ABCA13: variants seen among roughly 807,000 people sequenced by gnomAD.
The protein encoded by ABCA13 is ATP-binding cassette sub-family A member 13.
A neutral mutation model predicts 478.7 loss-of-function variants in ABCA13; 476 were observed. The ratio of observed to expected loss-of-function variants is 0.99; its 90% CI spans 0.92 to 1.07. The LOEUF (loss-of-function observed/expected upper bound fraction) is 1.07. Ranked by LOEUF, ABCA13 falls within the 50% of genes least tolerant of loss-of-function variation. The probability of loss-of-function intolerance (pLI) is 0.00; values close to 1 mark genes in which losing one functional copy is unlikely to be tolerated. For missense variants in ABCA13, 6,060 were observed against 5,910.6 expected, an observed-to-expected ratio of 1.03 and a Z score of -0.83; for synonymous variants, 2,252 against 2,158.9, an observed-to-expected ratio of 1.04 and a Z score of -1.20.
At chr7:48,321,595 G>T (rs933761726) in intron 27 of ABCA13, among the ~76,000 whole-genome samples, 4 of 152,190 alleles carry the variant, frequency 2.6e-5, no homozygotes, top group Non-Finnish European at 4.4e-5. Flanking sequence ...CTCTGAGCAT[G>T]GAGTAGAAGG....
rs1795424022 is a variant in ABCA13 at position 48,646,193 on chromosome 7, C to G, written c.*681C>G. 6.6e-6 allele frequency: 1 copy of G among 152,070 alleles called. No homozygotes were observed. Among genetic ancestry groups the G allele is most frequent in the South Asian group, 2.1e-4 (1 of 4,816 alleles). The allele number at this position is 152,070 out of a possible 1,614,324, so 9.4% of individuals were successfully genotyped here. ...TCTGTATCAATTACAGTAGTTCTAC[C>G]AGAATCTCCCAGGTTATAATTTATG... On this transcript the variant is annotated 3_prime_UTR_variant, in exon 62 of 62. Coordinates refer to ENST00000435803, the MANE Select transcript of ABCA13 (RefSeq NM_152701.5).
chr7:48,531,666 T>C (rs1014790071), intron 55 of ABCA13, among the ~76,000 whole-genome samples: 2 of 152,006 alleles, frequency 1.3e-5, no homozygotes, highest in South Asian at 4.1e-4. Flanking sequence ...CTATGATTTC[T>C]TTCAGCAGTG....
intron 38 of ABCA13, among the ~76,000 whole-genome samples, chr7:48,398,252 T>C (rs951475187): frequency 3.3e-5 from 5 of 152,222 alleles, no homozygotes; most frequent in Non-Finnish European, 7.3e-5. Flanking sequence ...GTAAACTCTA[T>C]TGTGATTGAG....
At chr7:48,413,746 G>T (rs1819578757) in intron 41 of ABCA13, among the ~76,000 whole-genome samples, 1 of 152,262 alleles carries the variant, frequency 6.6e-6, no homozygotes, top group African/African-American at 2.4e-5. Flanking sequence ...CACAAGTTTT[G>T]TCTGGAATAA....
intron 2 of ABCA13, among the ~76,000 whole-genome samples, chr7:48,195,907 T>C (rs1177540386): frequency 6.6e-6 from 1 of 151,432 alleles, no homozygotes; most frequent in Non-Finnish European, 1.5e-5. Context: ...GGCAGTTCAG[T>C]AGAGGGATAG....
intron 41 of ABCA13, among the ~76,000 whole-genome samples, chr7:48,416,826 T>TC (rs897803293): frequency 1.5e-4 from 23 of 152,032 alleles, no homozygotes; most frequent in African/African-American, 5.5e-4. Context: ...GTCTGCCCCT[T>TC]CCCCACTCTC....
chr7:48,294,914 T>G (rs1489073494), intron 20 of ABCA13, among the ~76,000 whole-genome samples: 2 of 152,236 alleles, frequency 1.3e-5, no homozygotes, highest in Non-Finnish European at 2.9e-5. Context: ...AATATTTTAT[T>G]GTATATAATG....
chr7:48,379,147 A>C (rs957354884), intron 35 of ABCA13, among the ~76,000 whole-genome samples: 1 of 152,246 alleles, frequency 6.6e-6, no homozygotes, highest in Non-Finnish European at 1.5e-5. Flanking sequence ...ATGTCAATAA[A>C]TATTTTTGAC....
At position 48,613,536 on chromosome 7, in the gene ABCA13, A is replaced by C. The variant is rs1792241459; in HGVS notation, c.14745-1749A>C. 2.1e-5 allele frequency among the ~76,000 whole-genome samples: 3 copies of C among 142,484 alleles called. No individual in the cohort carries two copies. The Admixed American group carries it at 2.3e-4, about 11-fold the overall frequency. The allele number at this position is 142,484 out of a possible 152,430, so 93.5% of individuals were successfully genotyped here. A position where few individuals can be genotyped will look rare whatever the true frequency, so the allele number is the denominator to read the frequency against. On this transcript the variant is annotated intron_variant, in intron 58 of 61. Coordinates refer to ENST00000435803, the MANE Select transcript of ABCA13 (RefSeq NM_152701.5). ...GCTGTGTTAAGACACAACGACTACA[A>C]ATCCCTTAATAGCTTCTTCCATTGC...
chr7:48,381,390 C>CAT (rs1814360322), intron 35 of ABCA13, among the ~76,000 whole-genome samples: 1 of 151,360 alleles, frequency 6.6e-6, no homozygotes, highest in African/African-American at 2.4e-5. Flanking sequence ...CACACACACA[C>CAT]GCACGCACAC....
At chr7:48,369,251 G>GT (rs1343438726) in intron 32 of ABCA13, among the ~76,000 whole-genome samples, 4 of 151,836 alleles carry the variant, frequency 2.6e-5, no homozygotes, top group Admixed American at 2.6e-4. Context: ...TGATGAAATT[G>GT]TTTTTTTCTT....
chr7:48,450,411 T>A (rs1360777575), intron 42 of ABCA13, among the ~76,000 whole-genome samples: 1 of 152,188 alleles, frequency 6.6e-6, no homozygotes, highest in Non-Finnish European at 1.5e-5. Flanking sequence ...AGTCATAATC[T>A]CACCACAAGA....
chr7:48,608,873 A>G (rs1218059629), intron 58 of ABCA13, among the ~76,000 whole-genome samples: 1 of 152,178 alleles, frequency 6.6e-6, no homozygotes, highest in African/African-American at 2.4e-5. Flanking sequence ...TTTTGTCCAG[A>G]TTCATCATTG....
At chr7:48,198,808 T>G (rs1380432978) in intron 3 of ABCA13, among the ~76,000 whole-genome samples, 1 of 152,262 alleles carries the variant, frequency 6.6e-6, no homozygotes, top group Non-Finnish European at 1.5e-5. Flanking sequence ...ACTCTTTATT[T>G]GTCATAAACC....
Position 48,520,281 on chromosome 7 carries a change from C to T in ABCA13, c.14038C>T (p.Leu4680=). 6.2e-7 allele frequency: 1 copy of T among 1,611,230 alleles called. No individual in the cohort carries two copies. The highest frequency in any genetic ancestry group is 8.5e-7 in the Non-Finnish European group (1 of 1,178,080). ...LLRVLLHWDL[L]RWPRGHSTLQ... is the part of the protein sequence containing the mutation. Reference sequence around the variant, plus strand: ...GAGGGTTCTGCTACACTGGGACCTTCTGCGATGGCCAAGGTGGGTTCTGAA... The same window carrying T: ...GAGGGTTCTGCTACACTGGGACCTTTTGCGATGGCCAAGGTGGGTTCTGAA... The change falls in exon 53 of 62, where the codon CTG becomes TTG. Residue 4680 remains leucine, a synonymous_variant. Coordinates refer to ENST00000435803, the MANE Select transcript of ABCA13 (RefSeq NM_152701.5).
chr7:48,282,026 T>C (rs1251694471), intron 19 of ABCA13, among the ~76,000 whole-genome samples: 1 of 152,218 alleles, frequency 6.6e-6, no homozygotes, highest in Admixed American at 6.5e-5. Flanking sequence ...CTTCTTTTCC[T>C]GCTGCAGTCT....
intron 55 of ABCA13, among the ~76,000 whole-genome samples, chr7:48,556,740 C>T (rs868107758): frequency 2.1e-4 from 32 of 151,760 alleles, no homozygotes; most frequent in African/African-American, 6.5e-4. Context: ...ATCATTGAGT[C>T]TTGTACATTT....
intron 55 of ABCA13, among the ~76,000 whole-genome samples, chr7:48,529,395 C>G (rs1833078214): frequency 1.3e-5 from 2 of 152,136 alleles, no homozygotes; most frequent in Non-Finnish European, 1.5e-5. Context: ...CACTGTGTTA[C>G]AAGGCCCCAG....
chr7:48,261,765 T>C (rs1009727957), intron 15 of ABCA13, among the ~76,000 whole-genome samples: 1 of 151,976 alleles, frequency 6.6e-6, no homozygotes, highest in African/African-American at 2.4e-5. Flanking sequence ...TACTGGTTTT[T>C]ATTTTTTTCT....
Sources: allele counts gnomAD v4.1 joint callset (sites outside exome capture counted in the v4.1 genomes callset), GRCh38; gene constraint gnomAD v4.1.1; transcripts MANE v1.5; gene names NCBI Gene and HGNC (gene_info 2026-07-23, HGNC 2026-07-21).